The following PARP16 variants were observed in gnomAD, a reference collection of about 807,000 sequenced individuals.
The protein encoded by PARP16 is poly(ADP-ribose) polymerase family member 16.
A neutral mutation model predicts 35.0 loss-of-function variants in PARP16; 31 were observed. The ratio of observed to expected loss-of-function variants is 0.88; its 90% CI spans 0.66 to 1.19. The LOEUF (loss-of-function observed/expected upper bound fraction) is 1.19, where lower values mean the gene tolerates loss of function less well. Ranked by LOEUF, PARP16 falls within the 50% of genes most tolerant of loss-of-function variation. The probability of loss-of-function intolerance (pLI) is 0.00; values close to 1 mark genes in which losing one functional copy is unlikely to be tolerated. For synonymous variants in PARP16, 162 were observed against 169.5 expected, an observed-to-expected ratio of 0.96 and a Z score of 0.34; for missense variants, 424 against 411.2, an observed-to-expected ratio of 1.03 and a Z score of -0.27.
At chr15:65,275,086 G>C (rs150991260) in intron 1 of PARP16, among the ~76,000 whole-genome samples, 4 of 151,954 alleles carry the variant, frequency 2.6e-5, no homozygotes, top group African/African-American at 9.7e-5. Flanking sequence ...CTGCACTCCA[G>C]CCTGGGTGAC....
intron 3 of PARP16, among the ~76,000 whole-genome samples, chr15:65,245,776 G>A (rs1318816898): frequency 6.6e-6 from 1 of 152,142 alleles, no homozygotes; most frequent in Non-Finnish European, 1.5e-5. Context: ...CAGGGACCCT[G>A]GCCGTCAGCA....
At chr15:65,254,269 G>C (rs1164107239), downstream of PARP16, among the ~76,000 whole-genome samples, 1 of 152,216 alleles carries the variant, frequency 6.6e-6, no homozygotes, top group Non-Finnish European at 1.5e-5. Flanking sequence ...AGGTGGACAA[G>C]GGCACCAGCC....
At chr15:65,241,019 A>G (rs915314575) in intron 3 of PARP16, among the ~76,000 whole-genome samples, 2 of 151,526 alleles carry the variant, frequency 1.3e-5, no homozygotes, top group East Asian at 1.9e-4. Context: ...TTTTTTTAGT[A>G]GAGGTGGGGT....
At chr15:65,283,823 T>C (rs997942414) in intron 1 of PARP16, among the ~76,000 whole-genome samples, 1 of 152,240 alleles carries the variant, frequency 6.6e-6, no homozygotes, top group African/African-American at 2.4e-5. Context: ...TTGCCAAAAC[T>C]GAATGAAGTT....
At chr15:65,261,310 A>C (rs576752381) in intron 4 of PARP16, among the ~76,000 whole-genome samples, 1 of 151,722 alleles carries the variant, frequency 6.6e-6, no homozygotes, top group Non-Finnish European at 1.5e-5. Flanking sequence ...TGATGGCCAT[A>C]GCAAAGAAAT....
At position 65,246,643 on chromosome 15, in the gene PARP16, G is replaced by C. The variant is rs114735994; in HGVS notation, c.*97+1474C>G. The stretch of plus-strand genomic sequence containing the variant: ...GGGTAGGGGCTCAGGGGCAGAATCA[G>C]GTCAGAAGAGGGTGTTGAACCTGTC... On this transcript the variant is annotated intron_variant and NMD_transcript_variant, in intron 3 of 3. Transcript: ENST00000559805. Among the ~76,000 whole-genome samples, 185 of 152,290 alleles carry C rather than the reference G, an allele frequency of 1.2e-3. 1 individual carries two copies. The highest frequency in any genetic ancestry group is 4.3e-3 in the African/African-American group (177 of 41,564).
chr15:65,253,407 T>C (rs1346258667), downstream of PARP16, among the ~76,000 whole-genome samples: 1 of 150,886 alleles, frequency 6.6e-6, no homozygotes, highest in Non-Finnish European at 1.5e-5. Context: ...CTCGGCTCAC[T>C]GCAAGCTCCG....
chr15:65,262,830 ATC>A (rs2089780484), intron 4 of PARP16, among the ~76,000 whole-genome samples: 1 of 151,872 alleles, frequency 6.6e-6, no homozygotes, highest in African/African-American at 2.4e-5. Context: ...AAAAATTCAA[ATC>A]TCTCCTCCTC....
downstream of PARP16, among the ~76,000 whole-genome samples, chr15:65,256,690 A>C (rs1042128876): frequency 6.6e-6 from 1 of 151,954 alleles, no homozygotes; most frequent in Non-Finnish European, 1.5e-5. Context: ...TACAGGCGTG[A>C]GCCACCGCGC....
intron 1 of PARP16, among the ~76,000 whole-genome samples, chr15:65,275,123 A>G (rs920934209): frequency 1.5e-4 from 23 of 152,216 alleles, no homozygotes; most frequent in Middle Eastern, 3.4e-3. Context: ...TCAAAAAAAA[A>G]AAAGCAGCAT....
intron 2 of PARP16, among the ~76,000 whole-genome samples, chr15:65,252,647 C>G (rs1040846190): frequency 1.1e-4 from 17 of 152,294 alleles, no homozygotes; most frequent in South Asian, 4.1e-4. Flanking sequence ...TCCAGCGGCC[C>G]CACCCCTTGA....
intron 2 of PARP16, among the ~76,000 whole-genome samples, chr15:65,267,678 CTTTTT>C (rs556058787): frequency 7.2e-4 from 38 of 53,036 alleles, no homozygotes; most frequent in South Asian, 2.5e-3. Flanking sequence ...ATTTTCCTAA[CTTTTT>C]TTTTTTTTTT....
chr15:65,253,384 GC>G (rs1214521307), downstream of PARP16, among the ~76,000 whole-genome samples: 6 of 150,406 alleles, frequency 4.0e-5, no homozygotes, highest in Admixed American at 4.0e-4. Context: ...AGGCTGGAGT[GC>G]AGTGGCGGGA....
rs759162568 is a variant in PARP16 at position 65,286,264 on chromosome 15, A to T, written c.163T>A (p.Phe55Ile). 2.1e-5 allele frequency: 33 copies of T among 1,583,674 alleles called. No individual in the cohort carries two copies. The South Asian group carries it at 3.8e-4, about 18-fold the overall frequency. The part of the protein sequence containing the change: ...ASYARGDCKD[F>I]EALLADASKL... ...CAAAGCACACTCACCAGGGCTTCAAAGTCCTTACAGTCGCCGCGGGCGTAG... is the reference window on the plus strand; with the variant it reads ...CAAAGCACACTCACCAGGGCTTCAATGTCCTTACAGTCGCCGCGGGCGTAG... Residue 55 changes from phenylalanine (F) to isoleucine (I), a missense_variant, in exon 1 of 6, where the codon TTT (phenylalanine) becomes ATT (isoleucine). Phe to Ile is a conservative substitution (Grantham distance 21). Transcript: ENST00000649807.
intron 1 of PARP16, among the ~76,000 whole-genome samples, chr15:65,274,407 C>CA (rs1169223307): frequency 2.0e-5 from 3 of 151,830 alleles, no homozygotes; most frequent in Admixed American, 6.6e-5. Flanking sequence ...CAAAACAAAA[C>CA]AAACAAACAA....
At chr15:65,263,898 C>T (rs2089814620) in intron 3 of PARP16, among the ~76,000 whole-genome samples, 1 of 152,034 alleles carries the variant, frequency 6.6e-6, no homozygotes, top group African/African-American at 2.4e-5. Context: ...AATGCAAAGT[C>T]ACACCCTTAG....
At chr15:65,239,472 A>AAGAGAG (rs2088987674) in intron 3 of PARP16, among the ~76,000 whole-genome samples, 1 of 138,748 alleles carries the variant, frequency 7.2e-6, no homozygotes, top group Non-Finnish European at 1.5e-5. Flanking sequence ...AGAAAAAAAA[A>AAGAGAG]AGAAAAGAAA....
intron 2 of PARP16, among the ~76,000 whole-genome samples, chr15:65,269,615 T>C (rs2090030034): frequency 6.6e-6 from 1 of 152,234 alleles, no homozygotes; most frequent in Admixed American, 6.5e-5. Context: ...AAGGTTGCCA[T>C]GTACCTTTCT....
Position 65,286,277 on chromosome 15 carries a change from G to T in PARP16, c.150C>A (p.Gly50=). 6.3e-7 allele frequency: 1 copy of T among 1,592,400 alleles called. No individual in the cohort carries two copies. Among genetic ancestry groups the T allele is most frequent in the Non-Finnish European group, 8.5e-7 (1 of 1,171,612 alleles). Residue 50 remains glycine, a synonymous_variant, in exon 1 of 6, where the codon GGC becomes GGA. Coordinates refer to ENST00000649807, the MANE Select transcript of PARP16 (RefSeq NM_001316943.2). ...CCAGGGCTTCAAAGTCCTTACAGTCGCCGCGGGCGTAGGACGCGGGGAAGG... is the reference window on the plus strand; with the variant it reads ...CCAGGGCTTCAAAGTCCTTACAGTCTCCGCGGGCGTAGGACGCGGGGAAGG... ...LRPFPASYAR[G]DCKDFEALLA...
Sources: allele counts gnomAD v4.1 joint callset (sites outside exome capture counted in the v4.1 genomes callset), GRCh38; gene constraint gnomAD v4.1.1; transcripts MANE v1.5; gene names NCBI Gene and HGNC (gene_info 2026-07-23, HGNC 2026-07-21).